Variants in SUSD5 observed in about 807,000 individuals in gnomAD.
SUSD5 encodes sushi domain-containing protein 5.
Under a neutral mutation model 29.5 loss-of-function variants are expected in SUSD5, and 33 were observed. The ratio of observed to expected loss-of-function variants is 1.12; its 90% confidence interval spans 0.85 to 1.49. The LOEUF is 1.49. SUSD5 is among the 40% of genes most tolerant of loss of function. The probability of loss-of-function intolerance (pLI) is 0.00; values close to 1 mark genes in which losing one functional copy is unlikely to be tolerated. For missense variants in SUSD5, 776 were observed against 800.6 expected, an observed-to-expected ratio of 0.97 and a Z score of 0.37; for synonymous variants, 308 against 325.3, an observed-to-expected ratio of 0.95 and a Z score of 0.57.
At chr3:33,201,994 C>T (rs1440533968) in intron 3 of SUSD5, among the ~76,000 whole-genome samples, 5 of 152,100 alleles carry the variant, frequency 3.3e-5, no homozygotes, top group African/African-American at 4.8e-5. Flanking sequence ...TATCGTGATA[C>T]ACCGTTAACT....
chr3:33,195,292 T>C (rs1232288456), intron 3 of SUSD5, among the ~76,000 whole-genome samples: 4 of 152,242 alleles, frequency 2.6e-5, no homozygotes, highest in African/African-American at 9.6e-5. Context: ...GTTTTTGAAA[T>C]GCGAACTCTT....
intron 4 of SUSD5, among the ~76,000 whole-genome samples, chr3:33,170,927 TG>T (rs1384968208): frequency 3.9e-5 from 6 of 152,124 alleles, no homozygotes; most frequent in East Asian, 3.8e-4. Flanking sequence ...AGCACATAGG[TG>T]AAAGAGAATG....
chr3:33,214,868 G>T (rs1302281703), intron 1 of SUSD5, among the ~76,000 whole-genome samples: 1 of 152,012 alleles, frequency 6.6e-6, no homozygotes, highest in African/African-American at 2.4e-5. Context: ...TGCCTTGGGT[G>T]GCCCTATCAA....
intron 4 of SUSD5, among the ~76,000 whole-genome samples, chr3:33,157,803 T>C (rs1213081204): frequency 6.6e-6 from 1 of 152,150 alleles, no homozygotes; most frequent in Non-Finnish European, 1.5e-5. Context: ...GAGGTAAACG[T>C]CCCAACTGAG....
At chr3:33,161,845 G>C (rs2031195962) in intron 4 of SUSD5, among the ~76,000 whole-genome samples, 2 of 152,048 alleles carry the variant, frequency 1.3e-5, no homozygotes, top group South Asian at 4.1e-4. Flanking sequence ...GAATCTAACA[G>C]ACATGAACTA....
intron 3 of SUSD5, among the ~76,000 whole-genome samples, chr3:33,179,018 G>T (rs7612907): frequency 0.15 from 23,074 of 151,600 alleles, 1,974 homozygotes; most frequent in South Asian, 0.26. Flanking sequence ...TTGGCATAAT[G>T]TCTGCCTTAA....
At chr3:33,203,084 G>T (rs1051672466) in intron 3 of SUSD5, among the ~76,000 whole-genome samples, 1 of 152,196 alleles carries the variant, frequency 6.6e-6, no homozygotes, top group Non-Finnish European at 1.5e-5. Context: ...GAACCTCACA[G>T]CACAGCCTGT....
chr3:33,172,769 A>G (rs1193746687), intron 4 of SUSD5, among the ~76,000 whole-genome samples: 1 of 152,264 alleles, frequency 6.6e-6, no homozygotes, highest in African/African-American at 2.4e-5. Flanking sequence ...ACAATTTGAC[A>G]GGGGAATTTT....
chr3:33,180,849 AT>A (rs1259692099), intron 3 of SUSD5, among the ~76,000 whole-genome samples: 268 of 116,272 alleles, frequency 2.3e-3, no homozygotes, highest in African/African-American at 1.6e-3. Context: ...CAAAAAAAAA[AT>A]TTTTTTTTTT....
In SUSD5 at chr3:33,214,067, C is replaced by G. The variant is rs774396518; in HGVS notation, c.151G>C (p.Gly51Arg). ...AGCCGAGCAGCCTCCAGTTGTAGGC[C>G]CTGAGAGCCATTCTGAGACTCCAGC... ...FVLESQNGSQ[G>R]LQLEAARLSC... Residue 51 changes from glycine (G) to arginine (R), a missense_variant, in exon 2 of 5, where the codon GGC (glycine) becomes CGC (arginine). Coordinates refer to ENST00000309558, the MANE Select transcript of SUSD5 (RefSeq NM_015551.2). 1.2e-6 allele frequency: 2 copies of G among 1,612,438 alleles called. No homozygotes were observed. The highest frequency in any genetic ancestry group is 3.4e-5 in the Admixed American group (2 of 59,692).
At chr3:33,202,461 T>C (rs1282383584) in intron 3 of SUSD5, among the ~76,000 whole-genome samples, 1 of 152,064 alleles carries the variant, frequency 6.6e-6, no homozygotes, top group African/African-American at 2.4e-5. Context: ...TTAAGGGCAA[T>C]AGAGGCAATC....
intron 3 of SUSD5, among the ~76,000 whole-genome samples, chr3:33,177,313 G>A (rs543669772): frequency 3.3e-5 from 5 of 152,206 alleles, no homozygotes; most frequent in Admixed American, 1.3e-4. Flanking sequence ...GATCAAGTTG[G>A]GAAAAACTGA....
intron 4 of SUSD5, among the ~76,000 whole-genome samples, 175 bp from the exon 5 acceptor site, chr3:33,154,208 T>C (rs1383247009): frequency 6.6e-6 from 1 of 152,182 alleles, no homozygotes; most frequent in Non-Finnish European, 1.5e-5. Context: ...CATATGAATA[T>C]TACAAGTAAC....
At chr3:33,155,443 T>C (rs2031027983) in intron 4 of SUSD5, among the ~76,000 whole-genome samples, 1 of 152,192 alleles carries the variant, frequency 6.6e-6, no homozygotes, top group Non-Finnish European at 1.5e-5. Flanking sequence ...TTAACTAGGA[T>C]ATACAGCACT....
At chr3:33,154,531 C>A (rs1022517773) in intron 4 of SUSD5, among the ~76,000 whole-genome samples, 1 of 151,556 alleles carries the variant, frequency 6.6e-6, no homozygotes, top group Admixed American at 6.6e-5. Flanking sequence ...ACAACAACAA[C>A]AAAAACAACA....
intron 4 of SUSD5, among the ~76,000 whole-genome samples, chr3:33,172,515 C>T (rs2031457911): frequency 6.6e-6 from 1 of 152,224 alleles, no homozygotes; most frequent in Admixed American, 6.5e-5. Flanking sequence ...GGGCCTGCTT[C>T]AAGGCGACAT....
Position 33,154,017 on chromosome 3 carries a change from G to A in SUSD5, c.615C>T (p.His205=). Residue 205 remains histidine (H), a synonymous_variant, in exon 5 of 5, where the codon CAC becomes CAT. Transcript: ENST00000309558. Reference sequence around the variant, plus strand: ...CAGGGAAGTTATCTTCATAGTCAATGTGTGCCTCAGCCTCATCTGGAAGAA... The same window carrying A: ...CAGGGAAGTTATCTTCATAGTCAATATGTGCCTCAGCCTCATCTGGAAGAA... ...QACGKDEAEA[H]IDYEDNFPDD... 6.3e-7 allele frequency: 1 copy of A among 1,598,530 alleles called. No individual in the cohort carries two copies. Among genetic ancestry groups the A allele is most frequent in the Non-Finnish European group, 8.5e-7 (1 of 1,173,892 alleles).
At chr3:33,216,103 C>G (rs1443891387) in intron 1 of SUSD5, among the ~76,000 whole-genome samples, 1 of 151,694 alleles carries the variant, frequency 6.6e-6, no homozygotes, top group African/African-American at 2.4e-5. Context: ...TAAGACTGAT[C>G]AAGACAAAAA....
intron 3 of SUSD5, among the ~76,000 whole-genome samples, chr3:33,206,689 A>G (rs111998746): frequency 2.4e-4 from 37 of 152,144 alleles, no homozygotes; most frequent in African/African-American, 7.2e-4. Flanking sequence ...TTTCCTGGAG[A>G]TAAGGATTTG....
Sources: allele counts gnomAD v4.1 joint callset (sites outside exome capture counted in the v4.1 genomes callset), GRCh38; gene constraint gnomAD v4.1.1; transcripts MANE v1.5; gene names NCBI Gene and HGNC (gene_info 2026-07-23, HGNC 2026-07-21).